Variants in YAP1 observed in about 807,000 individuals in gnomAD.
The protein encoded by YAP1 is Yes1 associated transcriptional regulator.
A neutral mutation model predicts 56.9 loss-of-function variants in YAP1; 5 were observed. The observed-to-expected ratio is 0.09, with a 90% CI of 0.05 to 0.18. YAP1 has a LOEUF of 0.18. Among genes scored for constraint, YAP1 ranks in the 10% least tolerant of loss-of-function variants. The probability of loss-of-function intolerance (pLI) is 1.00; values close to 1 mark genes in which losing one functional copy is unlikely to be tolerated. For synonymous variants in YAP1, 265 were observed against 248.1 expected (o/e 1.07, Z -0.64); for missense variants, 539 against 651.8 (o/e 0.83, Z 1.88).
chr11:102,152,061 C>T (rs1421771595), intron 2 of YAP1, among the ~76,000 whole-genome samples: 1 of 152,162 alleles, frequency 6.6e-6, no homozygotes, highest in Non-Finnish European at 1.5e-5. Context: ...TAACTTAAGA[C>T]AGCAGATTAG....
At chr11:102,137,575 A>G (rs914337628) in intron 2 of YAP1, among the ~76,000 whole-genome samples, 2 of 152,340 alleles carry the variant, frequency 1.3e-5, no homozygotes, top group Admixed American at 1.3e-4. Flanking sequence ...ACATATATGA[A>G]AAATATAGAA....
rs114033858 is a variant in YAP1, at chr11:102,163,782, T to C, written c.688+1211T>C. ...CCTTGACTAGGCGAATTCACAGAAC[T>C]TGAAATGTCCTTCTGCCCCTCGTGC... On this transcript the variant is annotated intron_variant, in intron 3 of 8. Coordinates refer to ENST00000282441, the MANE Select transcript of YAP1 (RefSeq NM_001130145.3). 8.4e-3 allele frequency among the ~76,000 whole-genome samples: 1,279 copies of C among 152,324 alleles called. 23 individuals carry two copies. Among genetic ancestry groups the C allele is most frequent in the African/African-American group, 0.03 (1,234 of 41,568 alleles).
intron 2 of YAP1, among the ~76,000 whole-genome samples, chr11:102,138,281 G>A (rs372221708): frequency 2.0e-5 from 3 of 152,190 alleles, no homozygotes; most frequent in East Asian, 1.9e-4. Flanking sequence ...TCTGTCATTC[G>A]AGTTGGGCTC....
intron 2 of YAP1, among the ~76,000 whole-genome samples, chr11:102,154,173 C>T (rs1053901204): frequency 1.3e-5 from 2 of 152,122 alleles, no homozygotes; most frequent in African/African-American, 4.8e-5. Context: ...TTTTCACTGA[C>T]AGGATCACAT....
chr11:102,199,296 C>T (rs938870800), intron 4 of YAP1, among the ~76,000 whole-genome samples: 4 of 152,182 alleles, frequency 2.6e-5, no homozygotes, highest in Admixed American at 2.6e-4. Flanking sequence ...GTTCATTTGA[C>T]TCTAAAGGCT....
intron 1 of YAP1, among the ~76,000 whole-genome samples, chr11:102,113,313 C>A (rs1455743476): frequency 1.3e-5 from 2 of 151,586 alleles, no homozygotes; most frequent in Non-Finnish European, 2.9e-5. Flanking sequence ...CATATACATC[C>A]ATTTTTCTAT....
intron 2 of YAP1, among the ~76,000 whole-genome samples, chr11:102,116,225 T>C (rs1230977155): frequency 1.3e-5 from 2 of 152,246 alleles, no homozygotes; most frequent in Non-Finnish European, 1.5e-5. Flanking sequence ...CTTGTCATTA[T>C]TTCCTAAATA....
chr11:102,164,027 A>C (rs999853112), intron 3 of YAP1, among the ~76,000 whole-genome samples: 7 of 151,990 alleles, frequency 4.6e-5, no homozygotes, highest in South Asian at 2.1e-4. Flanking sequence ...GTGACACTTA[A>C]GTAAAAATTT....
intron 2 of YAP1, among the ~76,000 whole-genome samples, chr11:102,115,320 CAG>C (rs1386674292): frequency 6.6e-6 from 1 of 152,186 alleles, no homozygotes; most frequent in Non-Finnish European, 1.5e-5. Context: ...AAGTGAAAAA[CAG>C]TGTAAGTTTT....
chr11:102,152,914 G>A (rs1234875429), intron 2 of YAP1, among the ~76,000 whole-genome samples: 1 of 152,196 alleles, frequency 6.6e-6, no homozygotes, highest in East Asian at 1.9e-4. Flanking sequence ...GAGGCTGAGA[G>A]AGCTTAGGGA....
In YAP1 at chr11:102,232,257, TA is replaced by T. The variant is rs1228982144; in HGVS notation, c.*2318del. Reference sequence around the variant, plus strand: ...ATATATCAGCAGATTAGCTTTAGCTTAGGGGGAGGGTGGGAAAGTTTGGGGG... The same window carrying T: ...ATATATCAGCAGATTAGCTTTAGCTTGGGGGAGGGTGGGAAAGTTTGGGGG... On this transcript the variant is annotated 3_prime_UTR_variant, in exon 9 of 9. Transcript: ENST00000282441. The T allele has an allele frequency of 3.1e-5, 3 of 97,366 alleles. No individual in the cohort carries two copies. The highest frequency in any genetic ancestry group is 1.3e-4 in the African/African-American group (3 of 23,320). 6.0% of individuals were successfully genotyped at this position (97,366 alleles called of 1,614,324 possible).
chr11:102,184,780 C>G (rs1947858207), intron 3 of YAP1, among the ~76,000 whole-genome samples: 1 of 152,130 alleles, frequency 6.6e-6, no homozygotes, highest in Admixed American at 6.5e-5. Context: ...TACTTAGGCT[C>G]TGGTCATCTG....
chr11:102,112,857 A>G (rs1209075657), intron 1 of YAP1: 6 of 813,164 alleles, frequency 7.4e-6, no homozygotes, highest in Non-Finnish European at 5.9e-6. Context: ...TATAATACAC[A>G]TAGATTGGAT....
chr11:102,129,236 A>G (rs1944229892), intron 2 of YAP1, among the ~76,000 whole-genome samples: 1 of 149,980 alleles, frequency 6.7e-6, no homozygotes, highest in Non-Finnish European at 1.5e-5. Flanking sequence ...ATGTCATAGA[A>G]TAATTTTTTT....
chr11:102,162,413 AC>A, intron 2 of YAP1, 42 bp from the exon 3 acceptor site: 1 of 1,559,372 alleles, frequency 6.4e-7, no homozygotes, highest in Non-Finnish European at 8.8e-7. Flanking sequence ...TGTTTTTGGA[AC>A]CTGGTATTTG....
In YAP1 at chr11:102,136,976, G is replaced by C. The variant is rs941265674; in HGVS notation, c.572+22582G>C. ...CTTTGTTGTAGTCAGATAAATTTAA[G>C]AATTGGCTTGTAAAGTTCCGCAAAG... On this transcript the variant is annotated intron_variant, in intron 2 of 8. Coordinates refer to ENST00000282441, the MANE Select transcript of YAP1 (RefSeq NM_001130145.3). Among the ~76,000 whole-genome samples the C allele has an allele frequency of 3.3e-5, 5 of 152,198 alleles. 1 individual carries two copies. The highest frequency in any genetic ancestry group is 1.2e-4 in the African/African-American group (5 of 41,440).
At chr11:102,152,367 C>T (rs1945705256) in intron 2 of YAP1, among the ~76,000 whole-genome samples, 1 of 152,166 alleles carries the variant, frequency 6.6e-6, no homozygotes, top group Admixed American at 6.5e-5. Context: ...CCGATGTTAG[C>T]AGTTGTTGGG....
chr11:102,210,646 C>T (rs1949356633), intron 6 of YAP1, among the ~76,000 whole-genome samples: 1 of 152,194 alleles, frequency 6.6e-6, no homozygotes, highest in Non-Finnish European at 1.5e-5. Flanking sequence ...ACTAATATAC[C>T]ATTTGACTGT....
At chr11:102,200,466 AAG>A (rs1345079866) in intron 4 of YAP1, among the ~76,000 whole-genome samples, 1 of 149,706 alleles carries the variant, frequency 6.7e-6, no homozygotes, top group Non-Finnish European at 1.5e-5. Flanking sequence ...TTTTTTAGAC[AAG>A]AGTCTTGCAC....
Sources: gnomAD v4.1 joint callset for allele counts (sites outside exome capture counted in the v4.1 genomes callset) on GRCh38, gnomAD v4.1.1 for gene constraint, MANE v1.5 for transcripts, NCBI Gene and HGNC (gene_info 2026-07-23, HGNC 2026-07-21) for gene names.